AP3B2: variants seen among roughly 807,000 people sequenced by gnomAD.
The protein encoded by AP3B2 is AP-3 complex subunit beta-2.
In AP3B2, 50 loss-of-function variants were observed where a neutral mutation model predicts 126.9. That is an observed-to-expected ratio of 0.39 (90% CI 0.31 to 0.50). AP3B2 has a LOEUF of 0.50. Ranked by LOEUF, AP3B2 falls within the 20% of genes least tolerant of loss-of-function variation. AP3B2 has a pLI of 0.79. For synonymous variants in AP3B2, 541 were observed against 565.0 expected (o/e 0.96, Z 0.60); for missense variants, 1,177 against 1,426.4 (o/e 0.83, Z 2.82).
intron 1 of AP3B2, among the ~76,000 whole-genome samples, chr15:82,709,317 GAACCGGAGGGTTTCTCCT>G (rs1482752094): frequency 1.3e-5 from 2 of 152,156 alleles, no homozygotes; most frequent in African/African-American, 4.8e-5. Flanking sequence ...GAAACACCTG[GAACCGGAGGGTTTCTCCT>G]CTCGAAACTG....
Position 82,663,860 on chromosome 15 carries a change from C to G in AP3B2, c.2377G>C (p.Glu793Gln). The stretch of plus-strand genomic sequence containing the variant: ...TCCTCCTCGGACTCCGATGTCATCT[C>G]GGACTCTGATGAGCTACTGCTGGAA... ...SDSSSSSSES[E>Q]MTSESEEEQL... Residue 793 changes from glutamate (E) to glutamine (Q), a missense_variant, in exon 20 of 27, where the codon GAG becomes CAG. Transcript: ENST00000535359. 1.2e-6 allele frequency: 2 copies of G among 1,613,912 alleles called. No individual in the cohort carries two copies. The highest frequency in any genetic ancestry group is 1.7e-6 in the Non-Finnish European group (2 of 1,179,864).
chr15:82,692,388 T>TC (rs763070609), intron 1 of AP3B2: 20 of 474,126 alleles, frequency 4.2e-5, no homozygotes, highest in Middle Eastern at 5.3e-4. Context: ...CTCCCCGCAA[T>TC]CCCCCCGCAG....
chr15:82,679,959 T>A (rs1235572748), intron 9 of AP3B2, among the ~76,000 whole-genome samples, 159 bp from the exon 10 acceptor site: 2 of 152,128 alleles, frequency 1.3e-5, no homozygotes, highest in African/African-American at 4.8e-5. Context: ...CAGATCTGAC[T>A]AGCTCTTTTT....
At position 82,709,711 on chromosome 15, in the gene AP3B2, C is replaced by T. The variant is rs2048853474; in HGVS notation, c.-5G>A. ...GTAGGCGGGGGCGGCCGACATGGGG[C>T]GGCCAGGGAGACTTCGCCGAGGAGG... On this transcript the variant is annotated 5_prime_UTR_variant, in exon 1 of 27. Coordinates refer to ENST00000535359, the MANE Select transcript of AP3B2 (RefSeq NM_001278512.2). The T allele has an allele frequency of 1.4e-6, 2 of 1,477,544 alleles. No homozygotes were observed. Among genetic ancestry groups the T allele is most frequent in the East Asian group, 2.8e-5 (1 of 35,126 alleles). The allele number at this position is 1,477,544 out of a possible 1,614,324, so 91.5% of individuals were successfully genotyped here. A position where few individuals can be genotyped will look rare whatever the true frequency, so the allele number is the denominator to read the frequency against.
At chr15:82,663,064 C>A in intron 22 of AP3B2, 63 bp downstream of exon 22, 2 of 1,510,660 alleles carry the variant, frequency 1.3e-6, no homozygotes, top group South Asian at 1.2e-5. Context: ...ACATCCACAC[C>A]ATAGGATGCA....
At chr15:82,691,962 GC>G in intron 1 of AP3B2, 2 of 1,424,162 alleles carry the variant, frequency 1.4e-6, no homozygotes, top group Non-Finnish European at 2.0e-6. Context: ...CCGTCCTTCT[GC>G]ACATCGGCAT....
chr15:82,665,214 G>A lies in AP3B2; in HGVS notation c.2028+33C>T. 6.5e-7 allele frequency: 1 copy of A among 1,532,318 alleles called. No homozygotes were observed. Among genetic ancestry groups the A allele is most frequent in the Non-Finnish European group, 8.8e-7 (1 of 1,142,660 alleles). 94.9% of individuals were successfully genotyped at this position (1,532,318 alleles called of 1,614,324 possible). A position where few individuals can be genotyped will look rare whatever the true frequency, so the allele number is the denominator to read the frequency against. Reference sequence around the variant, plus strand: ...GAAGAAGAGGGACACAGACAGGGCAGGGGAGAGAGCACACGTCACACGAAG... The same window carrying A: ...GAAGAAGAGGGACACAGACAGGGCAAGGGAGAGAGCACACGTCACACGAAG... On this transcript the variant is annotated intron_variant, in intron 17 of 26. Transcript: ENST00000535359. The surrounding 1 kb of genome is among the most constrained non-coding windows in gnomAD (Gnocchi z 4.4).
At chr15:82,709,113 G>C (rs558700626) in intron 1 of AP3B2, among the ~76,000 whole-genome samples, 1 of 152,272 alleles carries the variant, frequency 6.6e-6, no homozygotes, top group South Asian at 2.1e-4. Context: ...ATGGGGACCA[G>C]AGGGAGGGGA....
At chr15:82,696,115 T>C (rs2048625595) in intron 1 of AP3B2, among the ~76,000 whole-genome samples, 1 of 152,208 alleles carries the variant, frequency 6.6e-6, no homozygotes, top group African/African-American at 2.4e-5. Context: ...TCAGTCATAT[T>C]GGATTAGGGC....
At chr15:82,676,408 C>G in intron 14 of AP3B2, 53 bp downstream of exon 14, 1 of 1,584,956 alleles carries the variant, frequency 6.3e-7, no homozygotes, top group Non-Finnish European at 8.6e-7. Context: ...AGAATACTGT[C>G]TAGGGAGTTT....
intron 15 of AP3B2, among the ~76,000 whole-genome samples, chr15:82,666,359 A>G (rs2048057760): frequency 1.3e-5 from 2 of 152,200 alleles, no homozygotes; most frequent in Admixed American, 6.5e-5. Flanking sequence ...CTTTCTCAGG[A>G]CCTTTATAAA....
chr15:82,677,903 G>A (rs1053770772), intron 11 of AP3B2, 100 bp from the exon 12 acceptor site: 2 of 1,440,546 alleles, frequency 1.4e-6, no homozygotes. Context: ...TCATGCCGGT[G>A]ACTAAGACTT....
At chr15:82,697,202 C>T (rs1031059839) in intron 1 of AP3B2, among the ~76,000 whole-genome samples, 2 of 152,166 alleles carry the variant, frequency 1.3e-5, no homozygotes, top group East Asian at 1.9e-4. Flanking sequence ...GGTGTGGTGG[C>T]GGGCGTCTGT....
chr15:82,676,316 A>T, intron 14 of AP3B2, 145 bp downstream of exon 14: 1 of 781,858 alleles, frequency 1.3e-6, no homozygotes, highest in Non-Finnish European at 2.0e-6. Context: ...AGCATTGGTT[A>T]TGTGGGCAGA....
At chr15:82,683,047 G>GT (rs61213011) in intron 4 of AP3B2, among the ~76,000 whole-genome samples, 5,330 of 77,350 alleles carry the variant, frequency 0.069, 1,485 homozygotes, top group Middle Eastern at 0.097. Flanking sequence ...TGCACCAGGA[G>GT]TTTTTTTTTT....
chr15:82,660,761 G>T (rs1300607036), intron 25 of AP3B2, among the ~76,000 whole-genome samples: 1 of 152,068 alleles, frequency 6.6e-6, no homozygotes, highest in Non-Finnish European at 1.5e-5. Context: ...ACATTTTCTT[G>T]TTTTTGTTCC....
intron 1 of AP3B2, among the ~76,000 whole-genome samples, chr15:82,704,660 C>A (rs2048769443): frequency 6.6e-6 from 1 of 152,248 alleles, no homozygotes; most frequent in South Asian, 2.1e-4. Flanking sequence ...CCCAGAGCCC[C>A]TGGAACTCTG....
At chr15:82,690,922 C>T (rs540785261) in intron 1 of AP3B2, among the ~76,000 whole-genome samples, 1 of 152,126 alleles carries the variant, frequency 6.6e-6, no homozygotes, top group South Asian at 2.1e-4. Context: ...TCCCAAAGTG[C>T]TGGGATTACA....
At chr15:82,689,893 T>A in intron 1 of AP3B2, 1 of 163,734 alleles carries the variant, frequency 6.1e-6, no homozygotes, top group Non-Finnish European at 1.3e-5. Flanking sequence ...ACTTGAGCCC[T>A]GGAGTTCGAG....
Sources: allele counts gnomAD v4.1 joint callset (sites outside exome capture counted in the v4.1 genomes callset), GRCh38; gene constraint gnomAD v4.1.1; non-coding constraint Gnocchi (gnomAD v3.1); transcripts MANE v1.5; gene names NCBI Gene and HGNC (gene_info 2026-07-23, HGNC 2026-07-21).